The following PLCB1 variants were observed in gnomAD, a reference collection of about 807,000 sequenced individuals.
PLCB1 encodes the protein phospholipase C beta 1.
Under a neutral mutation model 161.8 loss-of-function variants are expected in PLCB1, and 46 were observed. The ratio of observed to expected loss-of-function variants is 0.28; its 90% CI spans 0.22 to 0.36. PLCB1 has a LOEUF of 0.36. Ranked by LOEUF, PLCB1 falls within the 10% of genes least tolerant of loss-of-function variation. The pLI, the probability that PLCB1 is intolerant of heterozygous loss-of-function variation, is 1.00. For synonymous variants in PLCB1, 517 were observed against 503.7 expected (o/e 1.03, Z -0.35); for missense variants, 1,016 against 1,472.5 (o/e 0.69, Z 5.07).
At chr20:8,786,765 G>T (rs976420255) in intron 27 of PLCB1, among the ~76,000 whole-genome samples, 2 of 150,906 alleles carry the variant, frequency 1.3e-5, no homozygotes, top group Non-Finnish European at 2.9e-5. Context: ...GTGCAGTGGT[G>T]CAATCTCGGC....
intron 2 of PLCB1, among the ~76,000 whole-genome samples, chr20:8,198,091 T>C (rs6055631): frequency 6.6e-6 from 1 of 152,088 alleles, no homozygotes; most frequent in Non-Finnish European, 1.5e-5. Flanking sequence ...AGTCAGGTAG[T>C]GTGATGCCTC....
chr20:8,266,360 A>G (rs1314042773), intron 2 of PLCB1, among the ~76,000 whole-genome samples: 1 of 152,148 alleles, frequency 6.6e-6, no homozygotes, highest in African/African-American at 2.4e-5. Flanking sequence ...TCCACATGGT[A>G]CCTCATCCTC....
intron 9 of PLCB1, among the ~76,000 whole-genome samples, chr20:8,679,022 A>G (rs567293238): frequency 3.3e-5 from 5 of 152,288 alleles, no homozygotes; most frequent in African/African-American, 1.2e-4. Context: ...TTTATGTGCC[A>G]TGTTTTTAAG....
intron 3 of PLCB1, among the ~76,000 whole-genome samples, chr20:8,591,055 T>A (rs944846440): frequency 6.6e-6 from 1 of 152,166 alleles, no homozygotes; most frequent in Non-Finnish European, 1.5e-5. Context: ...CTCCCACTTA[T>A]AAGCGAGAAC....
At chr20:8,596,755 G>C (rs1481258544) in intron 3 of PLCB1, among the ~76,000 whole-genome samples, 3 of 95,044 alleles carry the variant, frequency 3.2e-5, no homozygotes, top group Admixed American at 1.2e-4. Flanking sequence ...TCTTCCATTT[G>C]TTTGTATCCT....
At chr20:8,261,954 G>A (rs1001385437) in intron 2 of PLCB1, among the ~76,000 whole-genome samples, 19 of 152,134 alleles carry the variant, frequency 1.2e-4, no homozygotes, top group African/African-American at 4.6e-4. Context: ...TAGACATCCA[G>A]GTAGCCCCAC....
At chr20:8,584,483 G>GACACACACACACACAC (rs61008784) in intron 3 of PLCB1, among the ~76,000 whole-genome samples, 26 of 147,758 alleles carry the variant, frequency 1.8e-4, no homozygotes, top group African/African-American at 6.0e-4. Flanking sequence ...CACACACACA[G>GACACACACACACACAC]ACACACACAC....
At chr20:8,577,944 C>T (rs1037109172) in intron 3 of PLCB1, among the ~76,000 whole-genome samples, 55 of 152,160 alleles carry the variant, frequency 3.6e-4, no homozygotes, top group African/African-American at 1.3e-3. Context: ...GTGGAGCCTC[C>T]ACCTTTGTAA....
At chr20:8,854,152 C>G (rs572538784) in intron 31 of PLCB1, among the ~76,000 whole-genome samples, 60 of 152,302 alleles carry the variant, frequency 3.9e-4, no homozygotes, top group African/African-American at 1.4e-3. Flanking sequence ...CACTTTCTAA[C>G]ACTCGTTCCA....
intron 4 of PLCB1, among the ~76,000 whole-genome samples, chr20:8,644,673 G>A (rs1473279288): frequency 2.0e-5 from 3 of 151,722 alleles, no homozygotes; most frequent in African/African-American, 4.8e-5. Flanking sequence ...GAGCGTCTCC[G>A]CCCGGCAGCC....
chr20:8,176,111 TATATG>T (rs1360291527), intron 2 of PLCB1, among the ~76,000 whole-genome samples: 1 of 152,210 alleles, frequency 6.6e-6, no homozygotes, highest in Non-Finnish European at 1.5e-5. Context: ...ATGTAGTTAC[TATATG>T]ATATAACTAT....
chr20:8,182,313 A>G (rs2051852513), intron 2 of PLCB1, among the ~76,000 whole-genome samples: 2 of 151,988 alleles, frequency 1.3e-5, no homozygotes, highest in South Asian at 4.2e-4. Flanking sequence ...CTATTTCCTC[A>G]CCCTTTAAAA....
At chr20:8,377,825 C>T (rs113255548) in intron 3 of PLCB1, among the ~76,000 whole-genome samples, 25 of 152,166 alleles carry the variant, frequency 1.6e-4, no homozygotes, top group African/African-American at 5.8e-4. Flanking sequence ...TGTTGAGATG[C>T]CTGCTAGACT....
In PLCB1 at chr20:8,790,222, C is replaced by T. The variant is rs760705543; in HGVS notation, c.3384C>T (p.His1128=). 6.2e-7 allele frequency: 1 copy of T among 1,612,048 alleles called. No individual in the cohort carries two copies. Among genetic ancestry groups the T allele is most frequent in the Non-Finnish European group, 8.5e-7 (1 of 1,178,666 alleles). Residue 1128 remains histidine, a synonymous_variant, in exon 31 of 32, where the codon CAC becomes CAT. Coordinates refer to ENST00000338037, the MANE Select transcript of PLCB1 (RefSeq NM_015192.4). ...SKRQEKLVEK[H]KEIRQQILDE... ...GGCAAGAAAAACTCGTAGAGAAACA[C>T]AAGGAAATACGTCAGCAGATCCTGG...
At chr20:8,486,537 G>A (rs549251320) in intron 3 of PLCB1, among the ~76,000 whole-genome samples, 12 of 129,166 alleles carry the variant, frequency 9.3e-5, no homozygotes, top group South Asian at 5.0e-4. Context: ...CGCCCAGGCC[G>A]GACTGCGGAC....
intron 9 of PLCB1, among the ~76,000 whole-genome samples, chr20:8,679,857 G>T (rs925121906): frequency 1.3e-5 from 2 of 152,132 alleles, no homozygotes; most frequent in African/African-American, 4.8e-5. Context: ...TTTTATTTCA[G>T]AAAACAGTAG....
intron 3 of PLCB1, among the ~76,000 whole-genome samples, chr20:8,414,043 A>C (rs537148943): frequency 6.6e-6 from 1 of 152,324 alleles, no homozygotes; most frequent in Non-Finnish European, 1.5e-5. Context: ...TTATATTTCT[A>C]AGGCATTTTC....
intron 2 of PLCB1, among the ~76,000 whole-genome samples, chr20:8,240,236 G>A (rs999806644): frequency 1.1e-4 from 17 of 150,722 alleles, no homozygotes; most frequent in African/African-American, 3.9e-4. Context: ...CAGGTTAACC[G>A]TTATCAGTTT....
At position 8,646,093 on chromosome 20, in the gene PLCB1, A is replaced by C. The variant is rs762641125; in HGVS notation, c.385-9A>C. The C allele has an allele frequency of 6.3e-7, 1 of 1,598,542 alleles. No homozygotes were observed. Among genetic ancestry groups the C allele is most frequent in the Admixed American group, 1.7e-5 (1 of 59,988 alleles). On this transcript the variant is annotated splice_polypyrimidine_tract_variant and intron_variant, in intron 4 of 31. Transcript: ENST00000338037. ...TTAAGCTAATGCAAGTGTTATTTAC[A>C]TTTTTCAGGAATGGACAAATGAGGT...
Sources: allele counts gnomAD v4.1 joint callset (sites outside exome capture counted in the v4.1 genomes callset), GRCh38; gene constraint gnomAD v4.1.1; transcripts MANE v1.5; gene names NCBI Gene and HGNC (gene_info 2026-07-23, HGNC 2026-07-21).